The following HMCN1 variants were observed in gnomAD, a reference collection of about 807,000 sequenced individuals.
HMCN1 encodes the protein hemicentin 1, also known as hemicentin-1.
In HMCN1, 321 loss-of-function variants were observed where a neutral mutation model predicts 625.9. The observed-to-expected ratio is 0.51, with a 90% confidence interval of 0.47 to 0.56. HMCN1 has a LOEUF of 0.56. Among genes scored for constraint, HMCN1 ranks in the 20% least tolerant of loss-of-function variants. The pLI is 0.00. For missense variants in HMCN1, 6,588 were observed against 6,887.3 expected (o/e 0.96, Z 1.54); for synonymous variants, 2,425 against 2,417.6 (o/e 1.00, Z -0.09).
chr1:186,063,066 G>GTGTATATATATA (rs1491400415), intron 48 of HMCN1, among the ~76,000 whole-genome samples: 25 of 29,890 alleles, frequency 8.4e-4, no homozygotes, highest in African/African-American at 1.8e-3. Context: ...GTGTGTGTGT[G>GTGTATATATATA]CATATATATA....
At position 186,087,996 on chromosome 1, in the gene HMCN1, T is replaced by A. The variant is rs1369320489; in HGVS notation, c.9428T>A (p.Phe3143Tyr). The change falls in exon 61 of 107, where the codon TTC becomes TAC. Residue 3143 changes from phenylalanine to tyrosine, a missense_variant. By Grantham distance (22) the Phe-to-Tyr change is conservative. Transcript: ENST00000271588. ...GTAGCAGGACGGGATGATAAAAATT[T>A]CCACCTCAATGTATATGGTGAGCAT... ...INVAGRDDKN[F>Y]HLNVYVPPSI... The A allele has an allele frequency of 1.9e-6, 3 of 1,613,074 alleles. No homozygotes were observed. The African/African-American group carries it at 4.0e-5, about 22-fold the overall frequency.
chr1:185,974,106 C>G (rs953086280), intron 15 of HMCN1, among the ~76,000 whole-genome samples: 1 of 152,158 alleles, frequency 6.6e-6, no homozygotes, highest in African/African-American at 2.4e-5. Flanking sequence ...ATGTAAGTTA[C>G]AGCAAAGTTA....
chr1:186,114,804 T>C lies in HMCN1; in HGVS notation c.11277-15T>C, dbSNP rs1339563202. 2 of 1,614,116 alleles carry C rather than the reference T, an allele frequency of 1.2e-6. No individual in the cohort carries two copies. Among genetic ancestry groups the C allele is most frequent in the Non-Finnish European group, 1.7e-6 (2 of 1,179,950 alleles). ...AGGCTGATTCAGAAGACTTCACTTG[T>C]GATTTCTCTTGTAGATATTCCATCT... On this transcript the variant is annotated splice_polypyrimidine_tract_variant and intron_variant, in intron 73 of 106. Transcript: ENST00000271588.
intron 4 of HMCN1, among the ~76,000 whole-genome samples, chr1:185,877,565 T>G (rs769515799): frequency 6.6e-6 from 1 of 151,934 alleles, no homozygotes; most frequent in Non-Finnish European, 1.5e-5. Flanking sequence ...TTATGGGCAT[T>G]TTAACAATAT....
At chr1:186,152,031 CCAAA>C (rs1426260933) in intron 95 of HMCN1, among the ~76,000 whole-genome samples, 1 of 152,052 alleles carries the variant, frequency 6.6e-6, no homozygotes, top group African/African-American at 2.4e-5. Context: ...ATATTAAAGA[CCAAA>C]CAAAGAAGGA....
At chr1:186,024,234 A>G (rs754861087) in intron 36 of HMCN1, among the ~76,000 whole-genome samples, 12 of 152,108 alleles carry the variant, frequency 7.9e-5, no homozygotes, top group African/African-American at 2.9e-4. Context: ...TTGGCTGACA[A>G]TGCTAGTGGG....
At chr1:186,053,179 G>C in intron 43 of HMCN1, 105 bp downstream of exon 43, 1 of 1,087,894 alleles carries the variant, frequency 9.2e-7, no homozygotes, top group South Asian at 1.3e-5. Flanking sequence ...CCTGGGGTTT[G>C]CATACTAAAT....
intron 2 of HMCN1, among the ~76,000 whole-genome samples, chr1:185,864,107 T>G (rs1663033513): frequency 6.6e-6 from 1 of 152,188 alleles, no homozygotes; most frequent in Non-Finnish European, 1.5e-5. Flanking sequence ...TCTCTTCTGA[T>G]TGCTTCTGTC....
At chr1:185,895,855 A>G (rs1047110883) in intron 4 of HMCN1, among the ~76,000 whole-genome samples, 7 of 152,212 alleles carry the variant, frequency 4.6e-5, no homozygotes, top group Admixed American at 2.0e-4. Context: ...TAAGTAAGAC[A>G]CTGATTAATT....
At chr1:186,001,222 A>C in intron 26 of HMCN1, 76 bp from the exon 27 acceptor site, 5 of 1,251,234 alleles carry the variant, frequency 4.0e-6, no homozygotes, top group Non-Finnish European at 4.6e-6. Flanking sequence ...TTTGCTGTAT[A>C]AAGGCCCTTA....
intron 4 of HMCN1, among the ~76,000 whole-genome samples, chr1:185,893,915 G>A (rs561058819): frequency 2.6e-5 from 4 of 152,054 alleles, no homozygotes; most frequent in Non-Finnish European, 4.4e-5. Context: ...CCATAAAACC[G>A]TCCTTCATAC....
intron 1 of HMCN1, among the ~76,000 whole-genome samples, chr1:185,840,984 C>T (rs1026949639): frequency 2.0e-5 from 3 of 152,188 alleles, no homozygotes; most frequent in Admixed American, 6.5e-5. Context: ...AGAAAAACTA[C>T]AAGTAGCAGA....
Position 186,076,890 on chromosome 1 carries a change from A to G in HMCN1, c.8485+268A>G, listed in dbSNP as rs138762421. Among the ~76,000 whole-genome samples the G allele has an allele frequency of 3.7e-3, 568 of 152,236 alleles. 4 individuals are homozygous for G. The highest frequency in any genetic ancestry group is 0.013 in the African/African-American group (541 of 41,550). ...AGTCCTTTGGCTTCCTTGTGCCTCC[A>G]TTTCTCTTTTAGTGCAATAAGATAA... On this transcript the variant is annotated intron_variant, in intron 54 of 106. Transcript: ENST00000271588.
intron 16 of HMCN1, among the ~76,000 whole-genome samples, chr1:185,980,152 G>A (rs868607873): frequency 8.5e-5 from 13 of 152,064 alleles, no homozygotes; most frequent in Admixed American, 3.3e-4. Context: ...AATGAAAAAT[G>A]AGGGAAAGTA....
rs1233286314 is a variant in HMCN1 at position 186,174,564 on chromosome 1, T to C, written c.15865T>C (p.Cys5289Arg). 8.7e-6 allele frequency: 14 copies of C among 1,613,672 alleles called. No homozygotes were observed. In the South Asian group the frequency reaches 1.3e-4, roughly 15 times the overall value. The change falls in exon 103 of 107, where the codon TGT (cysteine) becomes CGT (arginine). Residue 5289 changes from cysteine (C) to arginine (R), a missense_variant. Transcript: ENST00000271588. ...GTHQCRYNQI[C>R]ENTRGSYRCV... Reference sequence around the variant, plus strand: ...CCATCAGTGCAGATATAACCAGATATGTGAGAATACAAGAGGCAGCTATCG... The same window carrying C: ...CCATCAGTGCAGATATAACCAGATACGTGAGAATACAAGAGGCAGCTATCG...
In HMCN1 at chr1:186,041,107, A is replaced by C; in HGVS notation, c.6275A>C (p.Lys2092Thr). ...GTGGCAGTGAATGCTGCTGGAGAAA[A>C]GCAAAGGGACATTGACCTCCGAGTA... ...TCVAVNAAGE[K>T]QRDIDLRVYV... The change falls in exon 40 of 107, where the codon AAG becomes ACG. Residue 2092 changes from lysine (K) to threonine (T), a missense_variant. Transcript: ENST00000271588. 2 of 1,612,976 alleles carry C rather than the reference A, an allele frequency of 1.2e-6. No homozygotes were observed. The highest frequency in any genetic ancestry group is 1.7e-6 in the Non-Finnish European group (2 of 1,179,180).
intron 11 of HMCN1, among the ~76,000 whole-genome samples, chr1:185,947,090 A>G (rs1256475756): frequency 6.6e-6 from 1 of 152,174 alleles, no homozygotes; most frequent in Non-Finnish European, 1.5e-5. Flanking sequence ...TAAATCCAGC[A>G]TATAACTGCC....
chr1:185,822,023 G>A (rs1660216042), intron 1 of HMCN1, among the ~76,000 whole-genome samples: 1 of 152,098 alleles, frequency 6.6e-6, no homozygotes, highest in Non-Finnish European at 1.5e-5. Context: ...AAACTGTGGA[G>A]ACGGTGAAAA....
chr1:186,087,884 T>C (rs1659607745), intron 60 of HMCN1, 48 bp from the exon 61 acceptor site: 2 of 1,496,954 alleles, frequency 1.3e-6, no homozygotes, highest in Non-Finnish European at 1.9e-6. Context: ...GTATGATTGG[T>C]CATCTATAAC....
Sources: allele counts gnomAD v4.1 joint callset (sites outside exome capture counted in the v4.1 genomes callset), GRCh38; gene constraint gnomAD v4.1.1; transcripts MANE v1.5; gene names NCBI Gene and HGNC (gene_info 2026-07-23, HGNC 2026-07-21).